Variants in SENP7 observed in about 807,000 individuals in gnomAD.
SENP7 encodes sentrin-specific protease 7.
Under a neutral mutation model 141.2 loss-of-function variants are expected in SENP7, and 64 were observed. The observed-to-expected ratio is 0.45, with a 90% confidence interval of 0.37 to 0.56. SENP7 has a LOEUF of 0.56. Among genes scored for constraint, SENP7 ranks in the 20% least tolerant of loss-of-function variants. The probability of loss-of-function intolerance (pLI) is 0.00; values close to 1 mark genes in which losing one functional copy is unlikely to be tolerated. For synonymous variants in SENP7, 382 were observed against 426.4 expected, an observed-to-expected ratio of 0.90 and a Z score of 1.28; for missense variants, 1,025 against 1,212.2, an observed-to-expected ratio of 0.85 and a Z score of 2.29.
At chr3:101,420,106 G>A (rs911198780) in intron 4 of SENP7, among the ~76,000 whole-genome samples, 4 of 152,210 alleles carry the variant, frequency 2.6e-5, no homozygotes, top group Admixed American at 2.0e-4. Context: ...TGTGGCTCAC[G>A]CCTGTAATCC....
At chr3:101,471,194 G>A (rs2063977899) in intron 3 of SENP7, among the ~76,000 whole-genome samples, 1 of 152,090 alleles carries the variant, frequency 6.6e-6, no homozygotes, top group Non-Finnish European at 1.5e-5. Flanking sequence ...ACATTGCCAA[G>A]ACAATCCTAA....
At chr3:101,364,398 T>C (rs1050468149) in intron 10 of SENP7, among the ~76,000 whole-genome samples, 12 of 152,324 alleles carry the variant, frequency 7.9e-5, no homozygotes, top group African/African-American at 2.4e-4. Context: ...CCAAACTTGA[T>C]AGGTTTCTGA....
chr3:101,375,456 C>T (rs761286985), intron 6 of SENP7, among the ~76,000 whole-genome samples: 14 of 142,900 alleles, frequency 9.8e-5, no homozygotes, highest in Non-Finnish European at 1.7e-4. Context: ...GCATGAGAAT[C>T]GCTTGAACCC....
At chr3:101,450,540 G>A (rs768266058) in intron 4 of SENP7, among the ~76,000 whole-genome samples, 5 of 152,174 alleles carry the variant, frequency 3.3e-5, no homozygotes, top group Non-Finnish European at 5.9e-5. Flanking sequence ...AATTAAACAA[G>A]AACTCACGAT....
At chr3:101,438,469 T>C (rs1176396249) in intron 4 of SENP7, among the ~76,000 whole-genome samples, 1 of 152,170 alleles carries the variant, frequency 6.6e-6, no homozygotes, top group Non-Finnish European at 1.5e-5. Flanking sequence ...TTTTACAAGA[T>C]GGAAAGTATT....
intron 3 of SENP7, among the ~76,000 whole-genome samples, chr3:101,486,489 C>A (rs180912452): frequency 6.6e-6 from 1 of 152,306 alleles, no homozygotes; most frequent in South Asian, 2.1e-4. Flanking sequence ...GACAAGAATT[C>A]TGTATCCAAC....
intron 6 of SENP7, among the ~76,000 whole-genome samples, chr3:101,389,887 T>C (rs547730654): frequency 6.6e-6 from 1 of 152,238 alleles, no homozygotes; most frequent in East Asian, 1.9e-4. Context: ...TCCTCATCTA[T>C]TAATAATAGC....
At chr3:101,471,821 CT>C (rs921098448) in intron 3 of SENP7, among the ~76,000 whole-genome samples, 2 of 151,998 alleles carry the variant, frequency 1.3e-5, no homozygotes, top group Non-Finnish European at 2.9e-5. Flanking sequence ...AAACAACCCC[CT>C]CATCAAAAAG....
At position 101,417,698 on chromosome 3, in the gene SENP7, T is replaced by A; in HGVS notation, c.377A>T (p.Asp126Val). 1 of 1,613,976 alleles carries A rather than the reference T, an allele frequency of 6.2e-7. No individual in the cohort carries two copies. Among genetic ancestry groups the A allele is most frequent in the Non-Finnish European group, 8.5e-7 (1 of 1,179,832 alleles). ...TGAGTCTGATTGCACCTTGTTGGCA[T>A]CACATAAATTAGCATCGTTTCTAGG... ...TLPRNDANLC[D>V]ANKVQSDSLP... is the part of the protein sequence containing the mutation. Residue 126 changes from aspartate (D) to valine (V), a missense_variant, in exon 5 of 24, where the codon GAT (aspartate) becomes GTT (valine). By Grantham distance (152) the Asp-to-Val change is radical. Coordinates refer to ENST00000394095, the MANE Select transcript of SENP7 (RefSeq NM_020654.5).
chr3:101,486,263 T>G (rs1487668462), intron 3 of SENP7, among the ~76,000 whole-genome samples: 2 of 152,086 alleles, frequency 1.3e-5, no homozygotes, highest in African/African-American at 4.8e-5. Flanking sequence ...AAAGAACACC[T>G]GGAAATTTCA....
chr3:101,391,080 G>C (rs2107543300), intron 6 of SENP7, among the ~76,000 whole-genome samples: 1 of 152,022 alleles, frequency 6.6e-6, no homozygotes, highest in South Asian at 2.1e-4. Context: ...TAACATATGG[G>C]ATCCAGCAAA....
intron 11 of SENP7, chr3:101,359,047 A>G (rs2059821896): frequency 6.6e-6 from 1 of 150,796 alleles, no homozygotes; most frequent in African/African-American, 2.4e-5. Context: ...CAATACATTA[A>G]AAAAAAAAGT....
chr3:101,500,978 T>C (rs1290213946), intron 2 of SENP7, 92 bp downstream of exon 2: 2 of 884,868 alleles, frequency 2.3e-6, no homozygotes, highest in South Asian at 3.1e-5. Flanking sequence ...TATACTGTTT[T>C]CTTTAAAATG....
intron 3 of SENP7, among the ~76,000 whole-genome samples, chr3:101,463,402 T>TATATATATATATATACAC (rs1553744834): frequency 1.0e-3 from 102 of 101,178 alleles, no homozygotes; most frequent in South Asian, 9.0e-3. Flanking sequence ...TATATACATA[T>TATATATATATATATACAC]ATATATATAT....
intron 13 of SENP7, among the ~76,000 whole-genome samples, chr3:101,345,587 T>C (rs1386286837): frequency 6.6e-6 from 1 of 152,216 alleles, no homozygotes; most frequent in Non-Finnish European, 1.5e-5. Context: ...TACATTAATT[T>C]TGTATCCTGA....
chr3:101,441,182 G>A (rs990475220), intron 4 of SENP7, among the ~76,000 whole-genome samples: 1 of 152,092 alleles, frequency 6.6e-6, no homozygotes, highest in East Asian at 1.9e-4. Context: ...CAGGGCCTGA[G>A]GACAAGCCCA....
intron 6 of SENP7, among the ~76,000 whole-genome samples, chr3:101,396,507 A>G (rs1399183428): frequency 3.9e-5 from 6 of 151,980 alleles, no homozygotes. Context: ...TTTCTCCAAC[A>G]GAAAGTACCT....
At chr3:101,430,423 T>C (rs1228360694) in intron 4 of SENP7, among the ~76,000 whole-genome samples, 1 of 152,218 alleles carries the variant, frequency 6.6e-6, no homozygotes, top group African/African-American at 2.4e-5. Context: ...TAGGAGGGTA[T>C]ATTTGTCCAG....
chr3:101,445,003 T>TAC (rs2062835339), intron 4 of SENP7, among the ~76,000 whole-genome samples: 1 of 152,034 alleles, frequency 6.6e-6, no homozygotes, highest in Non-Finnish European at 1.5e-5. Context: ...CCAAATAGAT[T>TAC]CAATCCAAGA....
Sources: allele counts gnomAD v4.1 joint callset (sites outside exome capture counted in the v4.1 genomes callset), GRCh38; gene constraint gnomAD v4.1.1; transcripts MANE v1.5; gene names NCBI Gene and HGNC (gene_info 2026-07-23, HGNC 2026-07-21).